The following CSMD1 variants were observed in gnomAD, a reference collection of about 807,000 sequenced individuals.
CSMD1 encodes the protein CUB and Sushi multiple domains 1, also known as CUB and sushi domain-containing protein 1.
In CSMD1, 213 loss-of-function variants were observed where a neutral mutation model predicts 417.5. The observed-to-expected ratio is 0.51, with a 90% confidence interval of 0.46 to 0.57. The LOEUF is 0.57. CSMD1 is among the 20% of genes least tolerant of loss of function. CSMD1 has a pLI of 0.00. For missense variants in CSMD1, 6,923 were observed against 4,529.7 expected (o/e 1.53, Z -15.17); for synonymous variants, 2,862 against 1,736.8 (o/e 1.65, Z -16.11).
At chr8:3,322,756 G>A (rs73657811) in intron 23 of CSMD1, among the ~76,000 whole-genome samples, 1 of 152,000 alleles carries the variant, frequency 6.6e-6, no homozygotes, top group Non-Finnish European at 1.5e-5. Context: ...ACGAGTACCC[G>A]TACTTAACCC....
At chr8:2,982,413 A>C (rs1805502925) in intron 54 of CSMD1, among the ~76,000 whole-genome samples, 1 of 152,224 alleles carries the variant, frequency 6.6e-6, no homozygotes, top group African/African-American at 2.4e-5. Context: ...CCTATTGTTT[A>C]TTCTCTTTCA....
intron 3 of CSMD1, among the ~76,000 whole-genome samples, chr8:4,339,697 G>A (rs896804130): frequency 2.0e-5 from 3 of 152,060 alleles, no homozygotes; most frequent in African/African-American, 4.8e-5. Flanking sequence ...CCAGGTTTGA[G>A]TGAGTGAGAA....
At chr8:4,811,637 C>A (rs1034835470) in intron 1 of CSMD1, among the ~76,000 whole-genome samples, 9 of 152,172 alleles carry the variant, frequency 5.9e-5, no homozygotes, top group East Asian at 3.9e-4. Context: ...TTTGATGGGG[C>A]TGTCATAACT....
chr8:3,847,490 G>C (rs1026559434), intron 5 of CSMD1, among the ~76,000 whole-genome samples: 1 of 152,012 alleles, frequency 6.6e-6, no homozygotes, highest in African/African-American at 2.4e-5. Context: ...GCTGAGTTCC[G>C]CCAACATCAA....
chr8:4,116,469 C>A (rs145680276), intron 3 of CSMD1, among the ~76,000 whole-genome samples: 1 of 134,284 alleles, frequency 7.4e-6, no homozygotes, highest in Non-Finnish European at 1.6e-5. Context: ...GGAACAAACG[C>A]GCCATGAATG....
intron 1 of CSMD1, among the ~76,000 whole-genome samples, chr8:4,923,541 C>T (rs1585337232): frequency 6.8e-6 from 1 of 146,778 alleles, no homozygotes; most frequent in South Asian, 2.2e-4. Context: ...TATATATATA[C>T]TATGTGCCCA....
chr8:3,139,951 G>A (rs1818332831), intron 41 of CSMD1, among the ~76,000 whole-genome samples: 1 of 148,240 alleles, frequency 6.7e-6, no homozygotes, highest in African/African-American at 2.5e-5. Flanking sequence ...CACCCAGACT[G>A]GAGTGCAATG....
At chr8:3,570,594 G>C (rs1799903764) in intron 10 of CSMD1, among the ~76,000 whole-genome samples, 1 of 152,150 alleles carries the variant, frequency 6.6e-6, no homozygotes. Context: ...CACCTGAGCT[G>C]CAATGCTATC....
At chr8:3,188,247 TA>T (rs5888952) in intron 35 of CSMD1, among the ~76,000 whole-genome samples, 134,005 of 139,922 alleles carry the variant, frequency 0.96, 64,244 homozygotes, top group African/African-American at 0.98. Flanking sequence ...TGGCAAAATT[TA>T]AAAAAAACAA....
Position 3,348,092 on chromosome 8 carries a change from T to C in CSMD1, c.3374A>G (p.Asp1125Gly). 1.2e-6 allele frequency: 2 copies of C among 1,612,936 alleles called. No homozygotes were observed. Reference protein sequence around the residue: ...LLSPNFPSNYDNNHECIYKIE... With the variant: ...LLSPNFPSNYGNNHECIYKIE... ...TTTATAGATACACTCATGGTTATTA[T>C]CATAATTGGATGGAAAATTTGGAGA... The change falls in exon 22 of 70, where the codon GAT (aspartate) becomes GGT (glycine). Residue 1125 changes from aspartate (D) to glycine (G), a missense_variant. Physicochemically the swap from Asp to Gly is moderately conservative, Grantham distance 94 (BLOSUM62 -1). Coordinates refer to ENST00000635120, the MANE Select transcript of CSMD1 (RefSeq NM_033225.6).
At chr8:4,454,165 C>G (rs1799329450) in intron 2 of CSMD1, among the ~76,000 whole-genome samples, 1 of 151,962 alleles carries the variant, frequency 6.6e-6, no homozygotes, top group African/African-American at 2.4e-5. Context: ...GCAGATTCAG[C>G]CTATTATCAG....
chr8:3,015,871 T>A (rs1256201619), intron 52 of CSMD1, among the ~76,000 whole-genome samples: 1 of 152,138 alleles, frequency 6.6e-6, no homozygotes, highest in Non-Finnish European at 1.5e-5. Flanking sequence ...CAGTACAGGA[T>A]GAAGGACACA....
At chr8:4,989,602 A>T (rs1005631819) in intron 1 of CSMD1, among the ~76,000 whole-genome samples, 1 of 152,228 alleles carries the variant, frequency 6.6e-6, no homozygotes, top group African/African-American at 2.4e-5. Flanking sequence ...AGTGAGCTCA[A>T]CCAGAAGACA....
At chr8:4,147,941 C>G (rs943758940) in intron 3 of CSMD1, among the ~76,000 whole-genome samples, 1 of 152,008 alleles carries the variant, frequency 6.6e-6, no homozygotes, top group African/African-American at 2.4e-5. Flanking sequence ...CTGGGGTGCA[C>G]CAGGTAGAAA....
At chr8:3,533,419 T>A (rs1449055961) in intron 10 of CSMD1, among the ~76,000 whole-genome samples, 4 of 152,346 alleles carry the variant, frequency 2.6e-5, no homozygotes, top group South Asian at 2.1e-4. Flanking sequence ...AACAGTGGTT[T>A]GACTCTGTCA....
chr8:4,649,940 A>G (rs552419359), intron 1 of CSMD1, among the ~76,000 whole-genome samples: 1 of 152,242 alleles, frequency 6.6e-6, no homozygotes, highest in Admixed American at 6.5e-5. Context: ...GCACTGCACA[A>G]CTCCACAGAG....
rs535600427 is a variant in CSMD1, at chr8:4,432,135, G to C, written c.303-12070C>G. Among the ~76,000 whole-genome samples the C allele has an allele frequency of 1.1e-4, 16 of 152,268 alleles. No homozygotes were observed. The South Asian group carries it at 2.1e-3, about 20-fold the overall frequency. On this transcript the variant is annotated intron_variant, in intron 2 of 69. Transcript: ENST00000635120. ...AGGTGATTATATAAAATAAATCCTTGCTAAAGCATGCATGGATTATAAAAA... is the reference window on the plus strand; with the variant it reads ...AGGTGATTATATAAAATAAATCCTTCCTAAAGCATGCATGGATTATAAAAA...
intron 5 of CSMD1, among the ~76,000 whole-genome samples, chr8:3,808,658 G>A (rs975748408): frequency 6.6e-6 from 1 of 152,128 alleles, no homozygotes; most frequent in East Asian, 1.9e-4. Context: ...AAGGGACTTA[G>A]GTCTTGTTTG....
chr8:3,597,224 C>T (rs951382577), intron 8 of CSMD1, among the ~76,000 whole-genome samples: 38 of 152,198 alleles, frequency 2.5e-4, no homozygotes, highest in African/African-American at 8.2e-4. Context: ...TGGTAAACAT[C>T]GGGCCCCAGG....
Sources: allele counts gnomAD v4.1 joint callset (sites outside exome capture counted in the v4.1 genomes callset), GRCh38; gene constraint gnomAD v4.1.1; transcripts MANE v1.5; gene names NCBI Gene and HGNC (gene_info 2026-07-23, HGNC 2026-07-21).